The following SLC22A23 variants were observed in gnomAD, a reference collection of about 807,000 sequenced individuals.
The protein encoded by SLC22A23 is solute carrier family 22 member 23.
A neutral mutation model predicts 61.0 loss-of-function variants in SLC22A23; 26 were observed. The ratio of observed to expected loss-of-function variants is 0.43; its 90% confidence interval spans 0.31 to 0.59. SLC22A23 has a LOEUF of 0.59. Ranked by LOEUF, SLC22A23 falls within the 20% of genes least tolerant of loss-of-function variation. The probability of loss-of-function intolerance (pLI) is 0.11; values close to 1 mark genes in which losing one functional copy is unlikely to be tolerated. For missense variants in SLC22A23, 796 were observed against 934.7 expected (o/e 0.85, Z 1.94); for synonymous variants, 430 against 413.9 (o/e 1.04, Z -0.47).
chr6:3,315,591 C>T (rs369104620), intron 4 of SLC22A23, among the ~76,000 whole-genome samples: 1 of 152,148 alleles, frequency 6.6e-6, no homozygotes, highest in East Asian at 1.9e-4. Flanking sequence ...TTCGGCTGGG[C>T]ATGGTGGCTC....
chr6:3,388,860 T>C (rs1767473535), intron 3 of SLC22A23, among the ~76,000 whole-genome samples: 1 of 152,006 alleles, frequency 6.6e-6, no homozygotes, highest in Non-Finnish European at 1.5e-5. Context: ...GTACCTAGCG[T>C]TGTCAAATTC....
At chr6:3,424,747 G>A (rs1770373149) in intron 1 of SLC22A23, among the ~76,000 whole-genome samples, 1 of 152,234 alleles carries the variant, frequency 6.6e-6, no homozygotes, top group Admixed American at 6.5e-5. Flanking sequence ...TTGGCACACA[G>A]CCGTGCTCCT....
At chr6:3,298,254 C>T (rs372272923) in intron 4 of SLC22A23, 36 bp from the exon 5 acceptor site, 81 of 1,569,096 alleles carry the variant, frequency 5.2e-5, no homozygotes, top group Middle Eastern at 1.7e-4. Context: ...GAATGTCTTC[C>T]GATTCTGCAC....
intron 9 of SLC22A23, among the ~76,000 whole-genome samples, chr6:3,278,419 A>C (rs1194396836): frequency 6.6e-6 from 1 of 151,900 alleles, no homozygotes; most frequent in African/African-American, 2.4e-5. Flanking sequence ...AGATACTCAA[A>C]CTCCTCCCAG....
In SLC22A23 at chr6:3,289,529, C is replaced by T. The variant is rs144550749; in HGVS notation, c.1313+235G>A. Among the ~76,000 whole-genome samples, 714 of 152,338 alleles carry T rather than the reference C, an allele frequency of 4.7e-3. 8 individuals are homozygous for T. Among genetic ancestry groups the T allele is most frequent in the African/African-American group, 0.016 (645 of 41,570 alleles). On this transcript the variant is annotated intron_variant, in intron 6 of 9. Coordinates refer to ENST00000406686, the MANE Select transcript of SLC22A23 (RefSeq NM_015482.2). ...CTTGGTTTCCTGGACCTCATGGGCACGTGGTGGGGAGGCCCTGCTCACAGG... is the reference window on the plus strand; with the variant it reads ...CTTGGTTTCCTGGACCTCATGGGCATGTGGTGGGGAGGCCCTGCTCACAGG...
intron 3 of SLC22A23, among the ~76,000 whole-genome samples, chr6:3,331,531 T>C (rs961004297): frequency 6.6e-5 from 10 of 152,216 alleles, no homozygotes; most frequent in Non-Finnish European, 1.3e-4. Flanking sequence ...TGGTTCTATA[T>C]ATTTATATGT....
intron 3 of SLC22A23, among the ~76,000 whole-genome samples, chr6:3,340,766 G>C (rs1034411199): frequency 1.3e-5 from 2 of 152,194 alleles, no homozygotes; most frequent in African/African-American, 4.8e-5. Flanking sequence ...CATGAGAACC[G>C]AGAGACTGTC....
chr6:3,399,895 T>A (rs980765690), intron 3 of SLC22A23, among the ~76,000 whole-genome samples: 1 of 152,226 alleles, frequency 6.6e-6, no homozygotes, highest in Admixed American at 6.5e-5. Flanking sequence ...TTTATTTTTT[T>A]GAGACGGAGT....
chr6:3,369,690 CAA>C (rs56226023), intron 3 of SLC22A23, among the ~76,000 whole-genome samples: 5 of 145,032 alleles, frequency 3.4e-5, no homozygotes, highest in South Asian at 2.2e-4. Flanking sequence ...GACTCCATCT[CAA>C]AAAAAAAAAA....
rs891544959 is a variant in SLC22A23 at position 3,386,444 on chromosome 6, T to G, written c.913+23744A>C. Among the ~76,000 whole-genome samples the G allele has an allele frequency of 2.6e-5, 4 of 152,174 alleles. No homozygotes were observed. The highest frequency in any genetic ancestry group is 9.7e-5 in the African/African-American group (4 of 41,446). On this transcript the variant is annotated intron_variant, in intron 3 of 9. Transcript: ENST00000406686. The surrounding 1 kb of genome is among the most constrained non-coding windows in gnomAD (Gnocchi z 4.4). ...GTGGCACCAGGAGTTGGTGCTTCTCTTTCCTCCTCAAGAAGTTGGCTTCTC... is the reference window on the plus strand; with the variant it reads ...GTGGCACCAGGAGTTGGTGCTTCTCGTTCCTCCTCAAGAAGTTGGCTTCTC...
intron 9 of SLC22A23, among the ~76,000 whole-genome samples, chr6:3,281,788 C>T (rs193089280): frequency 2.6e-4 from 39 of 152,252 alleles, no homozygotes; most frequent in African/African-American, 9.1e-4. Context: ...AGGGATTTGT[C>T]AGGAACGCTA....
chr6:3,428,108 G>A (rs762163590), intron 1 of SLC22A23, among the ~76,000 whole-genome samples: 1 of 152,230 alleles, frequency 6.6e-6, no homozygotes, highest in African/African-American at 2.4e-5. Context: ...GGCCAGATGC[G>A]TATGGGACAG....
chr6:3,283,561 C>G lies in SLC22A23; in HGVS notation c.1703+291G>C, dbSNP rs1022780284. 3 of 388,130 alleles carry G rather than the reference C, an allele frequency of 7.7e-6. No individual in the cohort carries two copies. In the Admixed American group the frequency reaches 1.1e-4, roughly 14 times the overall value. The allele number at this position is 388,130 out of a possible 1,614,324, so 24.0% of individuals were successfully genotyped here. A position where few individuals can be genotyped will look rare whatever the true frequency, so the allele number is the denominator to read the frequency against. The stretch of plus-strand genomic sequence containing the variant: ...TGCGGCATAAGTGATCCGCTGCACT[C>G]CCCCCCTTGCCAGACGCTCAGACAC... On this transcript the variant is annotated intron_variant, in intron 9 of 9. Coordinates refer to ENST00000406686, the MANE Select transcript of SLC22A23 (RefSeq NM_015482.2).
chr6:3,371,641 C>A (rs1766225327), intron 3 of SLC22A23, among the ~76,000 whole-genome samples: 2 of 152,060 alleles, frequency 1.3e-5, no homozygotes, highest in Admixed American at 6.5e-5. Flanking sequence ...GGATAAAAAT[C>A]TTTGTCTTGT....
chr6:3,437,801 G>A (rs1242432352), intron 1 of SLC22A23, among the ~76,000 whole-genome samples: 1 of 143,020 alleles, frequency 7.0e-6, no homozygotes, highest in Non-Finnish European at 1.5e-5. Context: ...AGGCTGGAAT[G>A]CAGTGGCACC....
At chr6:3,374,910 T>C (rs1374699242) in intron 3 of SLC22A23, among the ~76,000 whole-genome samples, 1 of 152,160 alleles carries the variant, frequency 6.6e-6, no homozygotes, top group Non-Finnish European at 1.5e-5. Context: ...CAGGTTAGAA[T>C]TTGGGTGGTG....
chr6:3,389,190 C>T (rs553203154), intron 3 of SLC22A23, among the ~76,000 whole-genome samples: 1 of 147,280 alleles, frequency 6.8e-6, no homozygotes, highest in Non-Finnish European at 1.5e-5. Context: ...ATCACTGCAA[C>T]CCGGGAGGTG....
intron 1 of SLC22A23, among the ~76,000 whole-genome samples, chr6:3,448,108 G>A (rs565845271): frequency 2.8e-4 from 41 of 148,326 alleles, no homozygotes; most frequent in South Asian, 1.9e-3. Flanking sequence ...TCACCATGTC[G>A]GTCAGGCTGG....
intron 4 of SLC22A23, among the ~76,000 whole-genome samples, chr6:3,306,158 G>A (rs1431897414): frequency 6.6e-6 from 1 of 152,108 alleles, no homozygotes; most frequent in Non-Finnish European, 1.5e-5. Context: ...GAAGGGGGAG[G>A]TGACAGGCTC....
Sources: gnomAD v4.1 joint callset for allele counts (sites outside exome capture counted in the v4.1 genomes callset) on GRCh38, gnomAD v4.1.1 for gene constraint, Gnocchi (gnomAD v3.1) non-coding constraint, MANE v1.5 for transcripts, NCBI Gene and HGNC (gene_info 2026-07-23, HGNC 2026-07-21) for gene names.